Variants in CAMKMT observed in about 807,000 individuals in gnomAD.
CAMKMT encodes CaM KMT.
Under a neutral mutation model 48.0 loss-of-function variants are expected in CAMKMT, and 53 were observed. The ratio of observed to expected loss-of-function variants is 1.10; its 90% CI spans 0.89 to 1.39. The LOEUF is 1.39. Among genes scored for constraint, CAMKMT ranks in the 40% most tolerant of loss-of-function variants. The pLI is 0.00. For missense variants in CAMKMT, 428 were observed against 402.7 expected (o/e 1.06, Z -0.54); for synonymous variants, 165 against 152.3 (o/e 1.08, Z -0.61).
At chr2:44,578,723 T>C (rs542832548) in intron 3 of CAMKMT, among the ~76,000 whole-genome samples, 1 of 152,282 alleles carries the variant, frequency 6.6e-6, no homozygotes, top group South Asian at 2.1e-4. Context: ...CTTAGGGTTG[T>C]GAGTCATGGT....
chr2:44,583,274 A>G (rs1011616705), intron 3 of CAMKMT, among the ~76,000 whole-genome samples: 4 of 152,154 alleles, frequency 2.6e-5, no homozygotes, highest in African/African-American at 9.7e-5. Flanking sequence ...TGAGCAAGAC[A>G]CACACACAGT....
At chr2:44,573,046 T>C (rs750263686) in intron 3 of CAMKMT, among the ~76,000 whole-genome samples, 31 of 152,160 alleles carry the variant, frequency 2.0e-4, no homozygotes, top group Non-Finnish European at 3.7e-4. Context: ...TTACTGTTAG[T>C]AATAGTAATC....
At chr2:44,546,206 CAT>C (rs1667395186) in intron 3 of CAMKMT, among the ~76,000 whole-genome samples, 2 of 146,134 alleles carry the variant, frequency 1.4e-5, no homozygotes, top group Non-Finnish European at 3.0e-5. Context: ...CACACACATA[CAT>C]GCACATACCC....
At chr2:44,605,998 A>G (rs1044446170) in intron 3 of CAMKMT, among the ~76,000 whole-genome samples, 1 of 152,198 alleles carries the variant, frequency 6.6e-6, no homozygotes, top group Admixed American at 6.5e-5. Context: ...TATATAGTTC[A>G]TGAACCATTT....
intron 3 of CAMKMT, among the ~76,000 whole-genome samples, chr2:44,421,497 A>G (rs1284307357): frequency 6.6e-6 from 1 of 152,220 alleles, no homozygotes; most frequent in African/African-American, 2.4e-5. Context: ...TCACTGAAAC[A>G]CATTAAAAGA....
chr2:44,456,468 G>A lies in CAMKMT; in HGVS notation c.376+66163G>A. On this transcript the variant is annotated intron_variant, in intron 3 of 10. Coordinates refer to ENST00000378494, the MANE Select transcript of CAMKMT (RefSeq NM_024766.5). The stretch of plus-strand genomic sequence containing the variant: ...TTTCTCAGAATTATTATATAAATAT[G>A]TACATTCTTGTGAAAGAAGAAACAA... 2.8e-6 allele frequency: 4 copies of A among 1,406,464 alleles called. No individual in the cohort carries two copies. The East Asian group carries it at 7.5e-5, about 26-fold the overall frequency. The allele number at this position is 1,406,464 out of a possible 1,614,324, so 87.1% of individuals were successfully genotyped here.
chr2:44,441,045 A>AATTC (rs1490465242), intron 3 of CAMKMT, among the ~76,000 whole-genome samples: 2 of 152,072 alleles, frequency 1.3e-5, no homozygotes, highest in Non-Finnish European at 2.9e-5. Context: ...TACCTGGGGG[A>AATTC]ATTCACCTAT....
chr2:44,588,211 C>A (rs1325169098), intron 3 of CAMKMT, among the ~76,000 whole-genome samples: 1 of 120,228 alleles, frequency 8.3e-6, no homozygotes, highest in Non-Finnish European at 1.8e-5. Flanking sequence ...GCAACCGCCC[C>A]GTCTGAGAAG....
rs1254971674 is a variant in CAMKMT, at chr2:44,556,502, G to A, written c.377-147781G>A. On this transcript the variant is annotated intron_variant, in intron 3 of 10. Transcript: ENST00000378494. ...TTTTGAGACGGAGTCTCGCTCTGTC[G>A]CCCAGGTCGGACTGCGGACTGCAGT... Among the ~76,000 whole-genome samples, 10 of 15,268 alleles carry A rather than the reference G, an allele frequency of 6.5e-4. 4 individuals carry two copies. The highest frequency in any genetic ancestry group is 2.7e-3 in the Admixed American group (3 of 1,102). The allele number at this position is 15,268 out of a possible 152,430, so 10.0% of individuals were successfully genotyped here.
intron 3 of CAMKMT, among the ~76,000 whole-genome samples, chr2:44,591,856 A>G (rs1014924631): frequency 6.6e-5 from 10 of 152,106 alleles, no homozygotes; most frequent in African/African-American, 1.2e-4. Flanking sequence ...AATGTGGCAC[A>G]TATACACCAT....
At chr2:44,592,551 G>A (rs1166166781) in intron 3 of CAMKMT, among the ~76,000 whole-genome samples, 3 of 152,084 alleles carry the variant, frequency 2.0e-5, no homozygotes, top group Admixed American at 6.5e-5. Context: ...GCCCCAAAGT[G>A]CAAGACCAAC....
chr2:44,705,153 T>C (rs191165155), intron 4 of CAMKMT, among the ~76,000 whole-genome samples: 1 of 152,264 alleles, frequency 6.6e-6, no homozygotes. Context: ...TTTTTTAAGC[T>C]CTATGGGTCC....
intron 3 of CAMKMT, among the ~76,000 whole-genome samples, chr2:44,580,147 C>G (rs997096056): frequency 1.3e-5 from 2 of 151,928 alleles, no homozygotes; most frequent in African/African-American, 4.8e-5. Flanking sequence ...TTTTAAGACT[C>G]TAAGTGCTTA....
chr2:44,708,888 G>A (rs1024722179), intron 6 of CAMKMT, among the ~76,000 whole-genome samples: 2 of 151,976 alleles, frequency 1.3e-5, no homozygotes, highest in South Asian at 2.1e-4. Flanking sequence ...GCTTGGGCCC[G>A]GTAACCTAAG....
At chr2:44,698,140 T>C (rs1677060178) in intron 3 of CAMKMT, among the ~76,000 whole-genome samples, 1 of 152,220 alleles carries the variant, frequency 6.6e-6, no homozygotes, top group Non-Finnish European at 1.5e-5. Flanking sequence ...ACCATACAAT[T>C]CATCCAGTGG....
intron 3 of CAMKMT, among the ~76,000 whole-genome samples, chr2:44,629,816 C>G (rs1280854652): frequency 6.6e-6 from 1 of 152,110 alleles, no homozygotes. Context: ...AATGGCCATA[C>G]TGCCCAAGGT....
At chr2:44,712,312 G>T (rs771202459) in intron 6 of CAMKMT, among the ~76,000 whole-genome samples, 4 of 151,970 alleles carry the variant, frequency 2.6e-5, no homozygotes, top group Non-Finnish European at 4.4e-5. Flanking sequence ...TATTATTTTT[G>T]AAATATCTTC....
At chr2:44,682,662 C>T (rs1676089848) in intron 3 of CAMKMT, among the ~76,000 whole-genome samples, 1 of 152,198 alleles carries the variant, frequency 6.6e-6, no homozygotes, top group Non-Finnish European at 1.5e-5. Context: ...CGAGCTATCA[C>T]AGCCTCAGAT....
At chr2:44,532,348 A>G (rs1260689621) in intron 3 of CAMKMT, among the ~76,000 whole-genome samples, 4 of 152,214 alleles carry the variant, frequency 2.6e-5, no homozygotes, top group Non-Finnish European at 5.9e-5. Flanking sequence ...AAATCTGATG[A>G]TCTGTTAATT....
Sources: allele counts gnomAD v4.1 joint callset (sites outside exome capture counted in the v4.1 genomes callset), GRCh38; gene constraint gnomAD v4.1.1; transcripts MANE v1.5; gene names NCBI Gene and HGNC (gene_info 2026-07-23, HGNC 2026-07-21).